Variants in SMARCA5 observed in about 807,000 individuals in gnomAD.
The protein encoded by SMARCA5 is SWI/SNF-related matrix-associated actin-dependent regulator of chromatin subfamily A member 5.
In SMARCA5, 18 loss-of-function variants were observed where a neutral mutation model predicts 140.4. The observed-to-expected ratio is 0.13, with a 90% CI of 0.09 to 0.19. SMARCA5 has a LOEUF of 0.19. Among genes scored for constraint, SMARCA5 ranks in the 10% least tolerant of loss-of-function variants. The pLI is 1.00. For missense variants in SMARCA5, 606 were observed against 1,276.8 expected, an observed-to-expected ratio of 0.47 and a Z score of 8.01; for synonymous variants, 449 against 419.6, an observed-to-expected ratio of 1.07 and a Z score of -0.86.
At chr4:143,526,599 G>A (rs1228029013) in intron 6 of SMARCA5, 139 bp downstream of exon 6, 2 of 636,084 alleles carry the variant, frequency 3.1e-6, no homozygotes, top group South Asian at 4.1e-5. Flanking sequence ...CATTGTCTTG[G>A]TGGATAAAAA....
At position 143,534,875 on chromosome 4, in the gene SMARCA5, T is replaced by C. The variant is rs779125337; in HGVS notation, c.1179T>C (p.Leu393=). Residue 393 remains leucine (L), a synonymous_variant, in exon 10 of 24, where the codon CTT becomes CTC. Transcript: ENST00000283131. The part of the protein sequence containing the change: ...RLHMVLRPFL[L]RRIKADVEKS... ...TTAAGGTTTTGCGTCCATTCCTCCTTCGTCGAATTAAGGCTGATGTTGAAA... is the reference window on the plus strand; with the variant it reads ...TTAAGGTTTTGCGTCCATTCCTCCTCCGTCGAATTAAGGCTGATGTTGAAA... 2 of 1,612,830 alleles carry C rather than the reference T, an allele frequency of 1.2e-6. No individual in the cohort carries two copies. The highest frequency in any genetic ancestry group is 1.7e-5 in the Admixed American group (1 of 59,820).
intron 11 of SMARCA5, 89 bp from the exon 12 acceptor site, chr4:143,538,501 A>C: frequency 9.7e-7 from 1 of 1,032,942 alleles, no homozygotes; most frequent in Non-Finnish European, 1.5e-6. Context: ...CTTTGGAATT[A>C]AGGATAATTG....
At position 143,547,445 on chromosome 4, in the gene SMARCA5, A is replaced by T; in HGVS notation, c.2714A>T (p.Glu905Val). Reference sequence around the variant, plus strand: ...ATAGAGAAGATTATGGCTCAGATTGAAAGGGGAGAGGCGAGAATTCAAAGA... The same window carrying T: ...ATAGAGAAGATTATGGCTCAGATTGTAAGGGGAGAGGCGAGAATTCAAAGA... ...QDIEKIMAQI[E>V]RGEARIQRRI... Residue 905 changes from glutamate to valine, a missense_variant, in exon 21 of 24, where the codon GAA becomes GTA. Physicochemically the swap from Glu to Val is moderately radical, Grantham distance 121. Transcript: ENST00000283131. 1 of 1,611,064 alleles carries T rather than the reference A, an allele frequency of 6.2e-7. No individual in the cohort carries two copies. The highest frequency in any genetic ancestry group is 8.5e-7 in the Non-Finnish European group (1 of 1,177,584).
Position 143,513,992 on chromosome 4 carries a change from C to T in SMARCA5, c.68C>T (p.Ser23Leu), listed in dbSNP as rs769379037. The change falls in exon 1 of 24, where the codon TCG becomes TTG. Residue 23 changes from serine (S) to leucine (L), a missense_variant. This residue lies in a region of SMARCA5 where 164 missense variants were observed against 128.4 expected (regional missense o/e 1.28). Coordinates refer to ENST00000283131, the MANE Select transcript of SMARCA5 (RefSeq NM_003601.4). ...PESAPSKPAA[S>L]IASGGSNSSN... ...AGCGCGCCTTCCAAGCCCGCAGCCTCGATCGCCAGCGGCGGGAGCAACAGC... is the reference window on the plus strand; with the variant it reads ...AGCGCGCCTTCCAAGCCCGCAGCCTTGATCGCCAGCGGCGGGAGCAACAGC... The T allele has an allele frequency of 4.5e-5, 71 of 1,564,084 alleles. No individual in the cohort carries two copies. Among genetic ancestry groups the T allele is most frequent in the Non-Finnish European group, 5.8e-5 (67 of 1,162,994 alleles).
intron 8 of SMARCA5, 27 bp downstream of exon 8, chr4:143,528,741 T>C: frequency 6.2e-7 from 1 of 1,600,298 alleles, no homozygotes; most frequent in South Asian, 1.1e-5. Context: ...GCTTTCTGGT[T>C]AATAATAATA....
intron 9 of SMARCA5, among the ~76,000 whole-genome samples, chr4:143,533,309 A>T (rs1289971022): frequency 1.3e-5 from 2 of 152,156 alleles, no homozygotes; most frequent in African/African-American, 4.8e-5. Flanking sequence ...ATTGGAAGGG[A>T]CACAAAAATG....
chr4:143,520,250 T>G (rs114789801), intron 2 of SMARCA5, among the ~76,000 whole-genome samples: 2,375 of 152,356 alleles, frequency 0.016, 21 homozygotes, highest in Middle Eastern at 0.024. Flanking sequence ...ATCTATAAAT[T>G]AAGAAATGTA....
chr4:143,546,659 A>G (rs1737531689), intron 19 of SMARCA5, 117 bp from the exon 20 acceptor site: 2 of 919,988 alleles, frequency 2.2e-6, no homozygotes, highest in Non-Finnish European at 3.2e-6. Flanking sequence ...TACCACTCTA[A>G]AAGAACTTAA....
chr4:143,553,682 TG>T lies in SMARCA5; in HGVS notation c.*501del, dbSNP rs898236462. 2 of 152,456 alleles carry T rather than the reference TG, an allele frequency of 1.3e-5. No homozygotes were observed. The highest frequency in any genetic ancestry group is 4.8e-5 in the African/African-American group (2 of 41,448). 9.4% of individuals were successfully genotyped at this position (152,456 alleles called of 1,614,324 possible). ...ATAAATTGCATTCTCCTTGCTTATG[TG>T]GGTAGAATGGGAAAAGAAGGCAAGA... is the stretch of plus-strand genomic sequence containing the variant. On this transcript the variant is annotated 3_prime_UTR_variant, in exon 24 of 24. Coordinates refer to ENST00000283131, the MANE Select transcript of SMARCA5 (RefSeq NM_003601.4).
In SMARCA5 at chr4:143,557,132, A is replaced by T. The variant is rs1199725776; in HGVS notation, c.*3948A>T. 1.3e-5 allele frequency: 2 copies of T among 152,208 alleles called. No individual in the cohort carries two copies. Among genetic ancestry groups the T allele is most frequent in the Admixed American group, 6.5e-5 (1 of 15,282 alleles). The allele number at this position is 152,208 out of a possible 1,614,324, so 9.4% of individuals were successfully genotyped here. A position where few individuals can be genotyped will look rare whatever the true frequency, so the allele number is the denominator to read the frequency against. ...TTTTGGGGGGTAATGAGGCTATGAG[A>T]AGATTGAGGATCTAGGTACTTGCCT... On this transcript the variant is annotated 3_prime_UTR_variant, in exon 24 of 24. Coordinates refer to ENST00000283131, the MANE Select transcript of SMARCA5 (RefSeq NM_003601.4).
chr4:143,517,189 T>C (rs1028388698), intron 1 of SMARCA5, among the ~76,000 whole-genome samples, 166 bp from the exon 2 acceptor site: 3 of 152,200 alleles, frequency 2.0e-5, no homozygotes, highest in Non-Finnish European at 2.9e-5. Flanking sequence ...GTATCTAATA[T>C]CATTTTATCA....
At chr4:143,544,941 G>A in intron 17 of SMARCA5, 94 bp downstream of exon 17, 1 of 542,114 alleles carries the variant, frequency 1.8e-6, no homozygotes, top group African/African-American at 2.2e-5. Flanking sequence ...ATTAGATTTT[G>A]TGTTTCTTTT....
rs370889273 is a variant in SMARCA5, at chr4:143,544,164, A to G, written c.2172+192A>G. ...AGTTGGTAAGCTCTGAAATATTTTT[A>G]AAGTTTTTGTAATGAAGTTTGTGGT... On this transcript the variant is annotated intron_variant, in intron 16 of 23. Coordinates refer to ENST00000283131, the MANE Select transcript of SMARCA5 (RefSeq NM_003601.4). 6.0e-4 allele frequency: 218 copies of G among 364,570 alleles called. No homozygotes were observed. The East Asian group carries it at 8.1e-3, about 14-fold the overall frequency. The allele number at this position is 364,570 out of a possible 1,614,324, so 22.6% of individuals were successfully genotyped here. A position where few individuals can be genotyped will look rare whatever the true frequency, so the allele number is the denominator to read the frequency against.
chr4:143,536,759 A>G (rs1737313269), intron 11 of SMARCA5, 81 bp downstream of exon 11: 10 of 956,264 alleles, frequency 1.0e-5, no homozygotes, highest in Admixed American at 2.0e-5. Flanking sequence ...CTTTGAAATG[A>G]CTGCTCTGAT....
chr4:143,523,503 A>T (rs1056549209), intron 3 of SMARCA5, among the ~76,000 whole-genome samples: 2 of 152,212 alleles, frequency 1.3e-5, no homozygotes, highest in East Asian at 1.9e-4. Flanking sequence ...TAAATAGGGG[A>T]TGGAAGTAGA....
At chr4:143,515,457 T>C (rs1736809145) in intron 1 of SMARCA5, among the ~76,000 whole-genome samples, 1 of 152,198 alleles carries the variant, frequency 6.6e-6, no homozygotes, top group South Asian at 2.1e-4. Flanking sequence ...GTTCCAAGGC[T>C]TAAGGGGTTT....
chr4:143,545,349 T>C, intron 17 of SMARCA5, 121 bp from the exon 18 acceptor site: 1 of 676,946 alleles, frequency 1.5e-6, no homozygotes, highest in Non-Finnish European at 2.7e-6. Flanking sequence ...TTCAGTTTTA[T>C]TGAAAGATGC....
In SMARCA5 at chr4:143,556,945, GA is replaced by G. The variant is rs1346423976; in HGVS notation, c.*3763del. The G allele has an allele frequency of 1.3e-5, 2 of 152,102 alleles. No homozygotes were observed. The highest frequency in any genetic ancestry group is 6.5e-5 in the Admixed American group (1 of 15,274). The allele number at this position is 152,102 out of a possible 1,614,324, so 9.4% of individuals were successfully genotyped here. ...TATGATTCTAAATGAAAAAAATGAAGAAGTGGAATAGTTTCTCCACAGGCAT... is the reference window on the plus strand; with the variant it reads ...TATGATTCTAAATGAAAAAAATGAAGAGTGGAATAGTTTCTCCACAGGCAT... On this transcript the variant is annotated 3_prime_UTR_variant, in exon 24 of 24. Transcript: ENST00000283131.
intron 23 of SMARCA5, among the ~76,000 whole-genome samples, chr4:143,551,339 A>G (rs932510469): frequency 6.6e-6 from 1 of 152,008 alleles, no homozygotes; most frequent in Non-Finnish European, 1.5e-5. Flanking sequence ...GTAGTTTGCA[A>G]ATATTTTCTT....
Sources: allele counts gnomAD v4.1 joint callset (sites outside exome capture counted in the v4.1 genomes callset), GRCh38; gene constraint gnomAD v4.1.1; regional missense constraint gnomAD v4.1.1; transcripts MANE v1.5; gene names NCBI Gene and HGNC (gene_info 2026-07-23, HGNC 2026-07-21).